Variants in GOLM1 observed in about 807,000 individuals in gnomAD.
The protein encoded by GOLM1 is epididymis luminal protein 46.
Under a neutral mutation model 50.5 loss-of-function variants are expected in GOLM1, and 31 were observed. That is an observed-to-expected ratio of 0.61 (90% confidence interval 0.46 to 0.83). The LOEUF is 0.83. Ranked by LOEUF, GOLM1 falls within the 40% of genes least tolerant of loss-of-function variation. The pLI is 0.00. For missense variants in GOLM1, 491 were observed against 501.3 expected (o/e 0.98, Z 0.20); for synonymous variants, 178 against 192.8 (o/e 0.92, Z 0.64).
At chr9:86,061,933 G>A (rs991650111) in intron 3 of GOLM1, among the ~76,000 whole-genome samples, 5 of 152,266 alleles carry the variant, frequency 3.3e-5, no homozygotes, top group African/African-American at 9.6e-5. Context: ...GCAGAAAGGC[G>A]GGTCTGGACC....
intron 1 of GOLM1, among the ~76,000 whole-genome samples, chr9:86,091,963 G>A (rs1171454741): frequency 6.6e-6 from 1 of 152,174 alleles, no homozygotes; most frequent in Non-Finnish European, 1.5e-5. Flanking sequence ...AGCACAGACT[G>A]GAATCCCATT....
At chr9:86,089,048 C>T (rs11559368) in intron 1 of GOLM1, among the ~76,000 whole-genome samples, 5,480 of 152,138 alleles carry the variant, frequency 0.036, 298 homozygotes, top group East Asian at 0.27. Flanking sequence ...TATGAAATTC[C>T]GGGTTGAAAG....
At chr9:86,096,365 G>A (rs1283441589) in intron 1 of GOLM1, among the ~76,000 whole-genome samples, 1 of 152,170 alleles carries the variant, frequency 6.6e-6, no homozygotes, top group African/African-American at 2.4e-5. Context: ...GGACCACAGG[G>A]TCTGCAACAT....
chr9:86,078,303 T>C (rs1834678346), intron 2 of GOLM1, among the ~76,000 whole-genome samples: 1 of 152,182 alleles, frequency 6.6e-6, no homozygotes, highest in Non-Finnish European at 1.5e-5. Context: ...AGAAAGACTA[T>C]TCAAAACGAT....
intron 1 of GOLM1, among the ~76,000 whole-genome samples, chr9:86,099,062 G>A (rs538219125): frequency 6.6e-6 from 1 of 152,316 alleles, no homozygotes; most frequent in East Asian, 1.9e-4. Flanking sequence ...TTTGACTTTG[G>A]ATGCCGACGC....
intron 3 of GOLM1, among the ~76,000 whole-genome samples, chr9:86,059,312 A>G (rs1834084669): frequency 6.6e-6 from 1 of 152,242 alleles, no homozygotes; most frequent in South Asian, 2.1e-4. Context: ...TCAACAGGCG[A>G]ACAGATAAAG....
intron 3 of GOLM1, among the ~76,000 whole-genome samples, chr9:86,056,100 T>G (rs12341872): frequency 6.6e-6 from 1 of 151,958 alleles, no homozygotes; most frequent in Non-Finnish European, 1.5e-5. Context: ...TTATGGCAAT[T>G]TGATGTGTCC....
At chr9:86,087,848 T>A (rs1482595545) in intron 1 of GOLM1, among the ~76,000 whole-genome samples, 2 of 152,194 alleles carry the variant, frequency 1.3e-5, no homozygotes, top group Non-Finnish European at 2.9e-5. Flanking sequence ...TGCCAGTATT[T>A]TATTGAGGAT....
At chr9:86,043,105 G>A (rs184715328) in intron 5 of GOLM1, among the ~76,000 whole-genome samples, 5 of 152,264 alleles carry the variant, frequency 3.3e-5, no homozygotes, top group African/African-American at 7.2e-5. Flanking sequence ...CCAGGGCACC[G>A]ACCATCACTG....
intron 4 of GOLM1, among the ~76,000 whole-genome samples, chr9:86,051,311 G>A (rs989314489): frequency 1.3e-5 from 2 of 152,178 alleles, no homozygotes; most frequent in Non-Finnish European, 2.9e-5. Context: ...GAATAAATGC[G>A]ATGTGGTGCT....
intron 5 of GOLM1, among the ~76,000 whole-genome samples, chr9:86,042,537 C>T (rs1158498507): frequency 1.3e-5 from 2 of 152,172 alleles, no homozygotes; most frequent in African/African-American, 4.8e-5. Flanking sequence ...TAATGCAGTG[C>T]CGAGTTCCTG....
chr9:86,035,268 T>C, intron 8 of GOLM1, 100 bp downstream of exon 8: 1 of 1,532,070 alleles, frequency 6.5e-7, no homozygotes, highest in Non-Finnish European at 8.8e-7. Flanking sequence ...TGCTGTTTGG[T>C]AAAATTCAGG....
At chr9:86,037,371 G>C (rs1377500485) in intron 6 of GOLM1, among the ~76,000 whole-genome samples, 3 of 151,338 alleles carry the variant, frequency 2.0e-5, no homozygotes, top group African/African-American at 4.9e-5. Flanking sequence ...CTGGGAGGTG[G>C]AGGTTGCAGT....
At chr9:86,081,639 C>T (rs556981731) in intron 1 of GOLM1, among the ~76,000 whole-genome samples, 4 of 152,130 alleles carry the variant, frequency 2.6e-5, no homozygotes, top group African/African-American at 7.2e-5. Context: ...CCTGTAATCC[C>T]AGCACTTTGG....
chr9:86,091,886 A>C (rs746133384), intron 1 of GOLM1, among the ~76,000 whole-genome samples: 58 of 152,230 alleles, frequency 3.8e-4, no homozygotes, highest in Admixed American at 3.1e-3. Flanking sequence ...GCCAATAAAA[A>C]ATTTATTGAG....
At chr9:86,062,974 C>A (rs1834205566) in intron 3 of GOLM1, among the ~76,000 whole-genome samples, 1 of 152,188 alleles carries the variant, frequency 6.6e-6, no homozygotes, top group Non-Finnish European at 1.5e-5. Context: ...TGCCAGGGAA[C>A]CTGGCTGCCC....
chr9:86,075,710 C>T (rs1005172528), intron 3 of GOLM1, among the ~76,000 whole-genome samples: 6 of 152,168 alleles, frequency 3.9e-5, no homozygotes, highest in Admixed American at 2.0e-4. Flanking sequence ...ACATTTATAT[C>T]GCATATTCTA....
chr9:86,056,290 T>A (rs895892682), intron 3 of GOLM1, among the ~76,000 whole-genome samples: 1 of 151,882 alleles, frequency 6.6e-6, no homozygotes, highest in African/African-American at 2.4e-5. Context: ...TACTTATGCA[T>A]GGAAAAATAC....
At chr9:86,053,463 A>ATG (rs1445150607) in intron 3 of GOLM1, among the ~76,000 whole-genome samples, 7 of 139,500 alleles carry the variant, frequency 5.0e-5, no homozygotes, top group African/African-American at 8.0e-5. Context: ...ACCACATCAC[A>ATG]CCACACCACT....
Sources: allele counts gnomAD v4.1 joint callset (sites outside exome capture counted in the v4.1 genomes callset), GRCh38; gene constraint gnomAD v4.1.1; transcripts MANE v1.5; gene names NCBI Gene and HGNC (gene_info 2026-07-23, HGNC 2026-07-21).